The following PER3 variants were observed in gnomAD, a reference collection of about 807,000 sequenced individuals.
The protein encoded by PER3 is period circadian regulator 3, also known as period circadian protein homolog 3.
A neutral mutation model predicts 127.2 loss-of-function variants in PER3; 107 were observed. That is an observed-to-expected ratio of 0.84 (90% CI 0.72 to 0.99). The LOEUF is 0.99. PER3 is among the 50% of genes least tolerant of loss of function. PER3 has a pLI of 0.00. For missense variants in PER3, 1,560 were observed against 1,525.8 expected, an observed-to-expected ratio of 1.02 and a Z score of -0.37; for synonymous variants, 618 against 585.8, an observed-to-expected ratio of 1.05 and a Z score of -0.79.
At chr1:7,833,633 A>C (rs752188658) in intron 19 of PER3, among the ~76,000 whole-genome samples, 22 of 152,146 alleles carry the variant, frequency 1.4e-4, no homozygotes, top group Non-Finnish European at 2.5e-4. Context: ...CTTTATATTT[A>C]AAGTAAGTTT....
chr1:7,807,421 G>A (rs1048049547), intron 10 of PER3, among the ~76,000 whole-genome samples: 2 of 152,200 alleles, frequency 1.3e-5, no homozygotes, highest in African/African-American at 4.8e-5. Context: ...GATACTGTCA[G>A]CATCCTATGA....
At chr1:7,787,960 T>C in intron 4 of PER3, 85 bp from the exon 5 acceptor site, 1 of 959,238 alleles carries the variant, frequency 1.0e-6, no homozygotes, top group Non-Finnish European at 1.7e-6. Flanking sequence ...CTGGTCATGT[T>C]AGAGATCCAG....
At position 7,842,741 on chromosome 1, in the gene PER3, G is replaced by A. The variant is rs2097397535; in HGVS notation, c.3619G>A (p.Glu1207Lys). The A allele has an allele frequency of 6.2e-7, 1 of 1,613,184 alleles. No individual in the cohort carries two copies. The highest frequency in any genetic ancestry group is 1.1e-5 in the South Asian group (1 of 91,028). Residue 1207 changes from glutamate (E) to lysine (K), a missense_variant, in exon 22 of 22, where the codon GAA becomes AAA. Transcript: ENST00000377532. The part of the protein sequence containing the change: ...AATSCGQVLV[E>K]DSC The stretch of plus-strand genomic sequence containing the variant: ...CACATCCTGTGGTCAGGTTCTGGTA[G>A]AAGACAGCTGTTGAGTGACTGTGAG...
At position 7,830,075 on chromosome 1, in the gene PER3, G is replaced by A. The variant is rs139134297; in HGVS notation, c.3128G>A (p.Arg1043Lys). 3.3e-5 allele frequency: 53 copies of A among 1,612,362 alleles called. No individual in the cohort carries two copies. Among genetic ancestry groups the A allele is most frequent in the Non-Finnish European group, 4.2e-5 (50 of 1,179,054 alleles). ...STLSMGLPPS[R>K]TPSHPTATVL... is the part of the protein sequence containing the mutation. ...CTGTCCATGGGATTGCCTCCCAGCA[G>A]GACTCCATCCCATCCTACTGCCACT... The change falls in exon 19 of 22, where the codon AGG (arginine) becomes AAG (lysine). Residue 1043 changes from arginine to lysine, a missense_variant. Transcript: ENST00000377532.
intron 19 of PER3, among the ~76,000 whole-genome samples, chr1:7,833,677 T>G (rs1371773439): frequency 6.6e-6 from 1 of 152,212 alleles, no homozygotes; most frequent in Non-Finnish European, 1.5e-5. Flanking sequence ...TATTGCTTTT[T>G]ATTCATGTGA....
intron 6 of PER3, among the ~76,000 whole-genome samples, chr1:7,797,351 G>A (rs777852655): frequency 1.3e-5 from 2 of 152,008 alleles, no homozygotes; most frequent in Non-Finnish European, 2.9e-5. Context: ...AGAGCAAGGT[G>A]GGGCTGGGCG....
At chr1:7,793,235 C>T (rs1042236633) in intron 5 of PER3, among the ~76,000 whole-genome samples, 1 of 152,196 alleles carries the variant, frequency 6.6e-6, no homozygotes, top group African/African-American at 2.4e-5. Context: ...AGAGGAAATA[C>T]ATATAGTCAA....
Position 7,826,647 on chromosome 1 carries a change from T to G in PER3, c.2125T>G (p.Ser709Ala). Residue 709 changes from serine to alanine, a missense_variant, in exon 17 of 22, where the codon TCA becomes GCA. Physicochemically the swap from Ser to Ala is moderately conservative, Grantham distance 99 (BLOSUM62 1). This residue lies in a region of PER3 where 1,332 missense variants were observed against 1,223.6 expected (regional missense o/e 1.09). Transcript: ENST00000377532. This position sits in a 1 kb window ranked among gnomAD's most constrained non-coding sequence, Gnocchi z 4.2. ...TAAATTCCGAGAAAAGATCCTGTCA[T>G]CACCCTACAGCTCCTATCTTCAGCA... ...VDKFREKILSSPYSSYLQQES... is the reference protein window; with the variant it reads ...VDKFREKILSAPYSSYLQQES... 1 of 1,613,720 alleles carries G rather than the reference T, an allele frequency of 6.2e-7. No individual in the cohort carries two copies. The highest frequency in any genetic ancestry group is 8.5e-7 in the Non-Finnish European group (1 of 1,179,628).
At chr1:7,794,152 A>G (rs1225203531) in intron 6 of PER3, 144 bp downstream of exon 6, 3 of 712,486 alleles carry the variant, frequency 4.2e-6, no homozygotes, top group Non-Finnish European at 7.6e-6. Context: ...AGGAGTTCGT[A>G]TTTTGATTGA....
intron 8 of PER3, among the ~76,000 whole-genome samples, 195 bp downstream of exon 8, chr1:7,801,386 C>T (rs1288547223): frequency 6.6e-6 from 1 of 152,048 alleles, no homozygotes; most frequent in Non-Finnish European, 1.5e-5. Context: ...AAAGTGATTA[C>T]AAGTTGTATT....
rs1399464256 is a variant in PER3, at chr1:7,788,131, A to G, written c.477A>G (p.Lys159=). The G allele has an allele frequency of 1.2e-6, 2 of 1,614,004 alleles. No individual in the cohort carries two copies. Among genetic ancestry groups the G allele is most frequent in the Non-Finnish European group, 1.7e-6 (2 of 1,179,854 alleles). Residue 159 remains lysine (K), a synonymous_variant, in exon 5 of 22, where the codon AAA becomes AAG. Coordinates refer to ENST00000377532, the MANE Select transcript of PER3 (RefSeq NM_001377275.1). ...EQAALILNRK[K]DVLASSHFVD... is the part of the protein sequence containing the mutation. Reference sequence around the variant, plus strand: ...CTGCTTTGATCCTGAATCGTAAGAAAGATGTCCTGGCGTCTTCTCACTTTG... The same window carrying G: ...CTGCTTTGATCCTGAATCGTAAGAAGGATGTCCTGGCGTCTTCTCACTTTG...
rs141380907 is a variant in PER3, at chr1:7,830,265, T to C, written c.3214+104T>C. ...AGGCACTGATGTGGAAGTACAAGGT[T>C]TTTTTTTCTTTTTCCCTTTTTCCTT... is the stretch of plus-strand genomic sequence containing the variant. On this transcript the variant is annotated intron_variant, in intron 19 of 21. Transcript: ENST00000377532. The C allele has an allele frequency of 1.3e-5, 13 of 1,008,336 alleles. No individual in the cohort carries two copies. In the African/African-American group the frequency reaches 2.1e-4, roughly 16 times the overall value. The allele number at this position is 1,008,336 out of a possible 1,614,324, so 62.5% of individuals were successfully genotyped here. A position where few individuals can be genotyped will look rare whatever the true frequency, so the allele number is the denominator to read the frequency against.
chr1:7,830,607 T>C (rs112200191), intron 19 of PER3, among the ~76,000 whole-genome samples: 1 of 152,254 alleles, frequency 6.6e-6, no homozygotes, highest in African/African-American at 2.4e-5. Flanking sequence ...AGATGCACGC[T>C]CAATAGCATT....
chr1:7,837,232 T>G, intron 21 of PER3, 83 bp downstream of exon 21: 2 of 1,202,376 alleles, frequency 1.7e-6, no homozygotes, highest in Non-Finnish European at 2.4e-6. Context: ...TCTTGCATGA[T>G]CCCACTAAAA....
intron 13 of PER3, among the ~76,000 whole-genome samples, chr1:7,812,091 T>C (rs1315342189): frequency 6.6e-6 from 1 of 152,180 alleles, no homozygotes; most frequent in African/African-American, 2.4e-5. Context: ...TAAATGTTTT[T>C]CTCATTGTCT....
rs1404558437 is a variant in PER3, at chr1:7,792,181, GCCT to G, written c.593-1774_593-1772del. Among the ~76,000 whole-genome samples, 32 of 152,266 alleles carry G rather than the reference GCCT, an allele frequency of 2.1e-4. 1 individual carries two copies. On this transcript the variant is annotated intron_variant, in intron 5 of 21. Transcript: ENST00000377532. ...GACTCAGTTCAGCATGGCTGGGGAG[GCCT>G]CAGGAAACTTAACAATCATGGCAGA...
rs775310427 is a variant in PER3, at chr1:7,827,372, G to T, written c.2443G>T (p.Ala815Ser). 7.4e-6 allele frequency: 12 copies of T among 1,613,942 alleles called. No homozygotes were observed. In the African/African-American group the frequency reaches 1.5e-4, roughly 20 times the overall value. ...CGTCCCAGCTTTTCCCCTCCCAGCC[G>T]CGACCTCACCCGGAAGAGAATACGC... is the stretch of plus-strand genomic sequence containing the variant. ...YLVPAFPLPAATSPGREYAAP... is the reference protein window; with the variant it reads ...YLVPAFPLPASTSPGREYAAP... The change falls in exon 18 of 22, where the codon GCG (alanine) becomes TCG (serine). Residue 815 changes from alanine (A) to serine (S), a missense_variant. Physicochemically the swap from Ala to Ser is moderately conservative, Grantham distance 99. Coordinates refer to ENST00000377532, the MANE Select transcript of PER3 (RefSeq NM_001377275.1).
chr1:7,788,948 G>A (rs2097105400), intron 5 of PER3, among the ~76,000 whole-genome samples: 1 of 150,914 alleles, frequency 6.6e-6, no homozygotes, highest in African/African-American at 2.4e-5. Flanking sequence ...CTCTCTTACA[G>A]TTTTTCTTGC....
At chr1:7,794,558 G>A (rs535962146) in intron 6 of PER3, among the ~76,000 whole-genome samples, 40 of 152,124 alleles carry the variant, frequency 2.6e-4, no homozygotes, top group Non-Finnish European at 4.7e-4. Flanking sequence ...TTAACTCTAG[G>A]AGTGTATAAG....
Sources: gnomAD v4.1 joint callset for allele counts (sites outside exome capture counted in the v4.1 genomes callset) on GRCh38, gnomAD v4.1.1 for gene constraint, gnomAD v4.1.1 regional missense constraint, Gnocchi (gnomAD v3.1) non-coding constraint, MANE v1.5 for transcripts, NCBI Gene and HGNC (gene_info 2026-07-23, HGNC 2026-07-21) for gene names.